The following CNTN3 variants were observed in gnomAD, a reference collection of about 807,000 sequenced individuals.
CNTN3 encodes contactin-3.
A neutral mutation model predicts 119.1 loss-of-function variants in CNTN3; 60 were observed. The ratio of observed to expected loss-of-function variants is 0.50; its 90% CI spans 0.41 to 0.62. The LOEUF (loss-of-function observed/expected upper bound fraction) is 0.62, where lower values mean the gene tolerates loss of function less well. Among genes scored for constraint, CNTN3 ranks in the 20% least tolerant of loss-of-function variants. The pLI, the probability that CNTN3 is intolerant of heterozygous loss-of-function variation, is 0.00. For synonymous variants in CNTN3, 450 were observed against 438.7 expected, an observed-to-expected ratio of 1.03 and a Z score of -0.32; for missense variants, 1,101 against 1,242.4, an observed-to-expected ratio of 0.89 and a Z score of 1.71.
At chr3:74,456,229 A>C (rs1575744199) in intron 4 of CNTN3, among the ~76,000 whole-genome samples, 1 of 36,634 alleles carries the variant, frequency 2.7e-5, no homozygotes, top group Non-Finnish European at 7.3e-5. Context: ...TTTTAAATGA[A>C]GAGCTATCTA....
At chr3:74,428,095 T>C (rs1701724942) in intron 4 of CNTN3, among the ~76,000 whole-genome samples, 1 of 152,134 alleles carries the variant, frequency 6.6e-6, no homozygotes, top group Non-Finnish European at 1.5e-5. Flanking sequence ...ACTCCTGAGT[T>C]TGTGGTGATT....
intron 4 of CNTN3, among the ~76,000 whole-genome samples, chr3:74,472,720 T>C (rs1367203502): frequency 6.6e-6 from 1 of 152,230 alleles, no homozygotes; most frequent in Non-Finnish European, 1.5e-5. Context: ...ATACTGTGAA[T>C]GGCATACTGA....
At chr3:74,446,411 T>C (rs1399713482) in intron 4 of CNTN3, among the ~76,000 whole-genome samples, 1 of 152,134 alleles carries the variant, frequency 6.6e-6, no homozygotes, top group South Asian at 2.1e-4. Flanking sequence ...ATAATTCGTG[T>C]GTGTGTGTGT....
intron 1 of CNTN3, among the ~76,000 whole-genome samples, chr3:74,597,268 A>G (rs1704828636): frequency 6.6e-6 from 1 of 152,100 alleles, no homozygotes; most frequent in Admixed American, 6.6e-5. Context: ...CCTTAGAATA[A>G]TGATTTCGTT....
intron 4 of CNTN3, among the ~76,000 whole-genome samples, chr3:74,481,236 C>T (rs1363418350): frequency 6.6e-6 from 1 of 151,766 alleles, no homozygotes; most frequent in South Asian, 2.1e-4. Context: ...ATTTGAGCAA[C>T]ATAATTAACA....
chr3:74,322,847 T>C (rs1038292453), intron 13 of CNTN3, among the ~76,000 whole-genome samples: 1 of 152,104 alleles, frequency 6.6e-6, no homozygotes, highest in African/African-American at 2.4e-5. Flanking sequence ...TGAAAAGACA[T>C]GGAGGAACTT....
In CNTN3 at chr3:74,481,012, T is replaced by C. The variant is rs560852236; in HGVS notation, c.358+5444A>G. On this transcript the variant is annotated intron_variant, in intron 4 of 22. Coordinates refer to ENST00000263665, the MANE Select transcript of CNTN3 (RefSeq NM_020872.3). ...AAATCAGACCGTATTAATATAACAA[T>C]ATTAATATATTACCATATAAACTAG... is the stretch of plus-strand genomic sequence containing the variant. 7.2e-5 allele frequency among the ~76,000 whole-genome samples: 11 copies of C among 151,946 alleles called. No individual in the cohort carries two copies. In the East Asian group the frequency reaches 2.1e-3, roughly 29 times the overall value.
At position 74,285,353 on chromosome 3, in the gene CNTN3, C is replaced by T. The variant is rs948981551; in HGVS notation, c.2656G>A (p.Gly886Ser). ...YTAVRAYNSA[G>S]AGPFSATVNV... ...ACTGTGGCGCTAAAAGGCCCAGCGC[C>T]GGCACTGTTGTAAGCCCGGACAGCC... The change falls in exon 20 of 23, where the codon GGC (glycine) becomes AGC (serine). Residue 886 changes from glycine to serine, a missense_variant. By Grantham distance (56) the Gly-to-Ser change is moderately conservative. Coordinates refer to ENST00000263665, the MANE Select transcript of CNTN3 (RefSeq NM_020872.3). 3 of 1,612,610 alleles carry T rather than the reference C, an allele frequency of 1.9e-6. No individual in the cohort carries two copies. The highest frequency in any genetic ancestry group is 1.3e-5 in the African/African-American group (1 of 74,766).
intron 5 of CNTN3, among the ~76,000 whole-genome samples, chr3:74,382,872 T>C (rs1704655490): frequency 6.6e-6 from 1 of 152,220 alleles, no homozygotes; most frequent in African/African-American, 2.4e-5. Context: ...TTTCTGATCT[T>C]TGATTGAAAG....
intron 4 of CNTN3, among the ~76,000 whole-genome samples, chr3:74,472,778 C>A (rs888877342): frequency 4.6e-5 from 7 of 152,154 alleles, no homozygotes; most frequent in African/African-American, 1.4e-4. Context: ...ACCATCACAG[C>A]AAAGCAGCTT....
At chr3:74,504,853 T>C (rs1703226084) in intron 2 of CNTN3, among the ~76,000 whole-genome samples, 1 of 152,070 alleles carries the variant, frequency 6.6e-6, no homozygotes, top group Non-Finnish European at 1.5e-5. Flanking sequence ...CAAGAGGGTG[T>C]ATTCATTTTC....
chr3:74,319,825 A>AAC (rs944922379), intron 13 of CNTN3, among the ~76,000 whole-genome samples: 2 of 151,984 alleles, frequency 1.3e-5, no homozygotes, highest in African/African-American at 4.8e-5. Context: ...TACAAAAAAA[A>AAC]AAACAAACAA....
chr3:74,544,245 T>G (rs1703882534), intron 1 of CNTN3, among the ~76,000 whole-genome samples: 1 of 152,186 alleles, frequency 6.6e-6, no homozygotes, highest in African/African-American at 2.4e-5. Context: ...CTTAAAACCT[T>G]ATGATATAAC....
intron 4 of CNTN3, among the ~76,000 whole-genome samples, chr3:74,443,898 T>TA (rs139791101): frequency 0.047 from 7,095 of 151,088 alleles, 276 homozygotes; most frequent in Non-Finnish European, 0.068. Flanking sequence ...CAGCGTGGCT[T>TA]AAAAAAAAAC....
chr3:74,598,019 G>A (rs1028634906), intron 1 of CNTN3, among the ~76,000 whole-genome samples: 1 of 152,006 alleles, frequency 6.6e-6, no homozygotes, highest in Non-Finnish European at 1.5e-5. Flanking sequence ...TAGAGTGGAA[G>A]ATTATAAAGA....
chr3:74,416,109 C>G (rs1309285311), intron 5 of CNTN3, among the ~76,000 whole-genome samples: 1 of 152,146 alleles, frequency 6.6e-6, no homozygotes, highest in Non-Finnish European at 1.5e-5. Context: ...GAACAAAACC[C>G]AAACATTTTC....
chr3:74,575,343 C>T (rs748713457), intron 1 of CNTN3, among the ~76,000 whole-genome samples: 2 of 151,978 alleles, frequency 1.3e-5, no homozygotes, highest in Non-Finnish European at 2.9e-5. Flanking sequence ...CCTCTGCCTC[C>T]CAGGTTCAAG....
intron 1 of CNTN3, among the ~76,000 whole-genome samples, chr3:74,534,486 T>C (rs1309227712): frequency 6.6e-6 from 1 of 152,088 alleles, no homozygotes; most frequent in African/African-American, 2.4e-5. Flanking sequence ...CAAAGATCTT[T>C]CCATTTTATG....
chr3:74,271,746 C>G (rs981613040), intron 20 of CNTN3, among the ~76,000 whole-genome samples: 2 of 152,120 alleles, frequency 1.3e-5, no homozygotes, highest in African/African-American at 2.4e-5. Flanking sequence ...TGTAACTAAG[C>G]TGCTTAAACA....
Sources: allele counts gnomAD v4.1 joint callset (sites outside exome capture counted in the v4.1 genomes callset), GRCh38; gene constraint gnomAD v4.1.1; transcripts MANE v1.5; gene names NCBI Gene and HGNC (gene_info 2026-07-23, HGNC 2026-07-21).